Variants in VRTN observed in about 807,000 individuals in gnomAD.
The protein encoded by VRTN is vertnin.
In VRTN, 5 loss-of-function variants were observed where a neutral mutation model predicts 18.2. That is an observed-to-expected ratio of 0.27 (90% CI 0.14 to 0.58). VRTN has a LOEUF of 0.58. Ranked by LOEUF, VRTN falls within the 20% of genes least tolerant of loss-of-function variation. VRTN has a pLI of 0.91. For missense variants in VRTN, 741 were observed against 939.4 expected (o/e 0.79, Z 2.76); for synonymous variants, 381 against 393.7 (o/e 0.97, Z 0.38).
chr14:74,343,513 T>C (rs77010167), upstream of VRTN, among the ~76,000 whole-genome samples: 42 of 152,312 alleles, frequency 2.8e-4, no homozygotes, highest in East Asian at 7.9e-3. Flanking sequence ...GCTATACTTG[T>C]ACATGTGGAA....
At chr14:74,336,597 GCTAT>G (rs1255929586) in intron 1 of VRTN, among the ~76,000 whole-genome samples, 1 of 151,944 alleles carries the variant, frequency 6.6e-6, no homozygotes, top group Non-Finnish European at 1.5e-5. Context: ...CTTTAATTTG[GCTAT>G]CTTTCTGGGT....
At chr14:74,310,382 C>T (rs35185559) in intron 1 of VRTN, among the ~76,000 whole-genome samples, 41,633 of 138,546 alleles carry the variant, frequency 0.3, 6,687 homozygotes, top group Middle Eastern at 0.57. Flanking sequence ...GGGCAACAAA[C>T]GCAAAACTCT....
chr14:74,325,365 T>C (rs2085481552), intron 1 of VRTN, among the ~76,000 whole-genome samples: 1 of 151,688 alleles, frequency 6.6e-6, no homozygotes, highest in African/African-American at 2.4e-5. Context: ...GAGAAAAAAA[T>C]TGCAAATTGT....
At chr14:74,334,466 G>T (rs372857097) in intron 1 of VRTN, among the ~76,000 whole-genome samples, 1 of 152,178 alleles carries the variant, frequency 6.6e-6, no homozygotes, top group Admixed American at 6.6e-5. Context: ...GGAGGCAGAA[G>T]TTGCAGTGAG....
chr14:74,306,160 A>ATG (rs1567036628), intron 1 of VRTN: 10 of 61,922 alleles, frequency 1.6e-4, no homozygotes, highest in African/African-American at 1.0e-3. Context: ...ATATATATAT[A>ATG]TATATATATA....
chr14:74,322,617 T>C (rs1227679072), intron 1 of VRTN, among the ~76,000 whole-genome samples: 30 of 152,184 alleles, frequency 2.0e-4, no homozygotes, highest in Non-Finnish European at 2.9e-5. Flanking sequence ...TCCCTCTGCT[T>C]CTGAAGCAAA....
Position 74,357,204 on chromosome 14 carries a change from G to C in VRTN, c.421G>C (p.Glu141Gln), listed in dbSNP as rs1249211220. 2.5e-6 allele frequency: 4 copies of C among 1,610,804 alleles called. No homozygotes were observed. Among genetic ancestry groups the C allele is most frequent in the Non-Finnish European group, 3.4e-6 (4 of 1,179,300 alleles). The change falls in exon 2 of 2, where the codon GAG becomes CAG. Residue 141 changes from glutamate (E) to glutamine (Q), a missense_variant. Physicochemically the swap from Glu to Gln is conservative, Grantham distance 29 (BLOSUM62 2). Transcript: ENST00000256362. The surrounding 1 kb of genome is among the most constrained non-coding windows in gnomAD (Gnocchi z 7.8). The part of the protein sequence containing the change: ...QAVRYSLCSE[E>Q]SPEMTSLPPA... ...CGTGCGCTACTCCCTATGCTCTGAG[G>C]AGTCCCCTGAGATGACCAGCTTGCC...
chr14:74,358,607 C>T lies in VRTN; in HGVS notation c.1824C>T (p.Ala608=). 6.3e-7 allele frequency: 1 copy of T among 1,599,902 alleles called. No individual in the cohort carries two copies. The highest frequency in any genetic ancestry group is 8.5e-7 in the Non-Finnish European group (1 of 1,172,456). ...AGGGAGGGCCTTCCAGAGAGGGGGC[C>T]CTGCAGGAGGGGGCCACAGCCCAGG... ...DVEGGPSREG[A]LQEGATAQGQ... Residue 608 remains alanine, a synonymous_variant, in exon 2 of 2, where the codon GCC becomes GCT. Coordinates refer to ENST00000256362, the MANE Select transcript of VRTN (RefSeq NM_018228.3). This position sits in a 1 kb window ranked among gnomAD's most constrained non-coding sequence, Gnocchi z 5.4.
chr14:74,356,718 C>A, intron 1 of VRTN, 65 bp from the exon 2 acceptor site: 2 of 1,509,824 alleles, frequency 1.3e-6, no homozygotes, highest in Non-Finnish European at 1.8e-6. Context: ...GGACAGGGCA[C>A]CTTTGCTAGT....
intron 1 of VRTN, among the ~76,000 whole-genome samples, chr14:74,314,833 T>C (rs1452130518): frequency 2.0e-5 from 3 of 152,214 alleles, no homozygotes; most frequent in Non-Finnish European, 4.4e-5. Flanking sequence ...CTGTTCAGAT[T>C]CTTCTTGGCC....
intron 1 of VRTN, among the ~76,000 whole-genome samples, chr14:74,312,887 C>T (rs1412266341): frequency 1.3e-5 from 2 of 151,580 alleles, no homozygotes; most frequent in Admixed American, 1.3e-4. Context: ...GGATTACAGG[C>T]TCACTCCACC....
chr14:74,311,591 G>T (rs2085389149), intron 1 of VRTN, among the ~76,000 whole-genome samples: 1 of 152,032 alleles, frequency 6.6e-6, no homozygotes, highest in Non-Finnish European at 1.5e-5. Context: ...TGTATTTTTA[G>T]TAAAGACGGG....
intron 2 of VRTN, among the ~76,000 whole-genome samples, chr14:74,343,327 A>G (rs1201095546): frequency 6.6e-6 from 1 of 152,044 alleles, no homozygotes; most frequent in Non-Finnish European, 1.5e-5. Flanking sequence ...GGGTTTCACC[A>G]TGTTGGCCAG....
Position 74,356,899 on chromosome 14 carries a change from C to T in VRTN, c.116C>T (p.Ser39Phe). The T allele has an allele frequency of 1.9e-6, 3 of 1,614,100 alleles. No homozygotes were observed. Among genetic ancestry groups the T allele is most frequent in the Non-Finnish European group, 2.5e-6 (3 of 1,180,028 alleles). The change falls in exon 2 of 2, where the codon TCT becomes TTT. Residue 39 changes from serine to phenylalanine, a missense_variant. Physicochemically the swap from Ser to Phe is radical, Grantham distance 155. Coordinates refer to ENST00000256362, the MANE Select transcript of VRTN (RefSeq NM_018228.3). ...GASLEAKQVL[S>F]SFTLPTCREG... ...TCCTTGGAGGCCAAGCAGGTCCTGT[C>T]TTCCTTCACTCTCCCCACCTGCCGG...
intron 2 of VRTN, among the ~76,000 whole-genome samples, chr14:74,340,260 G>GCA (rs2085594278): frequency 6.6e-6 from 1 of 152,120 alleles, no homozygotes; most frequent in Admixed American, 6.6e-5. Context: ...TTATAGGCAT[G>GCA]TGCCACCACG....
chr14:74,317,781 G>T (rs2085426973), intron 1 of VRTN, among the ~76,000 whole-genome samples: 1 of 151,502 alleles, frequency 6.6e-6, no homozygotes, highest in Non-Finnish European at 1.5e-5. Flanking sequence ...CAGCCTGGAG[G>T]ATACAGTGAG....
intron 1 of VRTN, chr14:74,306,173 T>TATATATGTATG (rs1491480014): frequency 1.2e-4 from 6 of 48,036 alleles, no homozygotes; most frequent in African/African-American, 6.0e-4. Context: ...TATATATATA[T>TATATATGTATG]TTTTTTTTTT....
At chr14:74,309,745 G>C (rs577117224) in intron 1 of VRTN, among the ~76,000 whole-genome samples, 104 of 152,210 alleles carry the variant, frequency 6.8e-4, no homozygotes, top group Middle Eastern at 3.4e-3. Flanking sequence ...CACTGTCTCT[G>C]CTTATACTGT....
chr14:74,309,689 C>G (rs1175077919), intron 1 of VRTN, among the ~76,000 whole-genome samples: 1 of 152,102 alleles, frequency 6.6e-6, no homozygotes. Flanking sequence ...ACAGCGAGAC[C>G]TCGTTTCTAA....
Sources: allele counts gnomAD v4.1 joint callset (sites outside exome capture counted in the v4.1 genomes callset), GRCh38; gene constraint gnomAD v4.1.1; non-coding constraint Gnocchi (gnomAD v3.1); transcripts MANE v1.5; gene names NCBI Gene and HGNC (gene_info 2026-07-23, HGNC 2026-07-21).